CDK14: variants seen among roughly 807,000 people sequenced by gnomAD.
The protein encoded by CDK14 is cyclin-dependent kinase 14.
A neutral mutation model predicts 60.7 loss-of-function variants in CDK14; 34 were observed. That is an observed-to-expected ratio of 0.56 (90% CI 0.43 to 0.75). The LOEUF is 0.75. Ranked by LOEUF, CDK14 falls within the 30% of genes least tolerant of loss-of-function variation. The pLI, the probability that CDK14 is intolerant of heterozygous loss-of-function variation, is 0.00. For synonymous variants in CDK14, 197 were observed against 203.7 expected (o/e 0.97, Z 0.28); for missense variants, 482 against 564.1 (o/e 0.85, Z 1.47).
chr7:91,098,898 AT>A (rs1377688734), intron 12 of CDK14, among the ~76,000 whole-genome samples: 1 of 152,090 alleles, frequency 6.6e-6, no homozygotes, highest in East Asian at 1.9e-4. Flanking sequence ...AATCTGATAT[AT>A]TTTTAGGGCA....
At chr7:90,790,477 A>G (rs1805785608) in intron 4 of CDK14, 96 bp from the exon 5 acceptor site, 2 of 722,134 alleles carry the variant, frequency 2.8e-6, no homozygotes, top group African/African-American at 3.6e-5. Context: ...TTAGCATAAA[A>G]GTGAATTTAT....
intron 12 of CDK14, among the ~76,000 whole-genome samples, chr7:91,091,531 T>G (rs1798827574): frequency 2.0e-5 from 2 of 99,076 alleles, no homozygotes; most frequent in African/African-American, 1.1e-4. Context: ...TAGCCAGGCA[T>G]GGTGGCATAT....
At chr7:90,842,901 G>A (rs1294000184) in intron 5 of CDK14, among the ~76,000 whole-genome samples, 1 of 152,148 alleles carries the variant, frequency 6.6e-6, no homozygotes, top group Non-Finnish European at 1.5e-5. Context: ...TTCCTAAGTT[G>A]TTGTGTGGAT....
intron 2 of CDK14, among the ~76,000 whole-genome samples, chr7:90,610,148 A>G (rs571880974): frequency 6.6e-6 from 1 of 151,820 alleles, no homozygotes; most frequent in African/African-American, 2.4e-5. Context: ...TCCATAACCC[A>G]TTCTCCCCCA....
chr7:90,712,989 G>C (rs879889453), intron 2 of CDK14, among the ~76,000 whole-genome samples: 14 of 116,772 alleles, frequency 1.2e-4, no homozygotes, highest in Admixed American at 8.0e-4. Flanking sequence ...CCTGCTGCCC[G>C]CCATGGGCCT....
intron 14 of CDK14, among the ~76,000 whole-genome samples, chr7:91,185,155 A>G (rs1802131597): frequency 6.7e-6 from 1 of 148,758 alleles, no homozygotes. Flanking sequence ...TCAGTGGTGA[A>G]TAAGACACAC....
At chr7:91,122,070 A>T (rs1359414914) in intron 14 of CDK14, among the ~76,000 whole-genome samples, 3 of 152,234 alleles carry the variant, frequency 2.0e-5, no homozygotes, top group Non-Finnish European at 2.9e-5. Flanking sequence ...TTTCTGAAAT[A>T]GTATGTGCTC....
chr7:91,006,705 T>C (rs766928590), intron 10 of CDK14, among the ~76,000 whole-genome samples: 3 of 152,266 alleles, frequency 2.0e-5, no homozygotes, highest in African/African-American at 7.2e-5. Context: ...CTTTCACTTA[T>C]ATATTTTCTT....
rs1200493986 is a variant in CDK14 at position 90,779,410 on chromosome 7, G to C, written c.465-11163G>C. The stretch of plus-strand genomic sequence containing the variant: ...TGGGACTACAGGCACGTGCCACCAT[G>C]CTCAACTATTTTTTAAATTTTTGTA... On this transcript the variant is annotated intron_variant, in intron 4 of 14. Coordinates refer to ENST00000380050, the MANE Select transcript of CDK14 (RefSeq NM_001287135.2). 2.6e-5 allele frequency among the ~76,000 whole-genome samples: 4 copies of C among 152,204 alleles called. No individual in the cohort carries two copies. The South Asian group carries it at 8.3e-4, about 32-fold the overall frequency.
intron 12 of CDK14, among the ~76,000 whole-genome samples, chr7:91,091,194 G>C (rs1798795093): frequency 1.3e-5 from 2 of 150,414 alleles, no homozygotes; most frequent in African/African-American, 4.9e-5. Flanking sequence ...CCAGGAGTTT[G>C]GGATGAGACT....
chr7:91,163,626 T>C (rs760853114), intron 14 of CDK14, among the ~76,000 whole-genome samples: 1 of 152,188 alleles, frequency 6.6e-6, no homozygotes, highest in Non-Finnish European at 1.5e-5. Context: ...AAATTTGAAA[T>C]TTACTCTTAC....
At chr7:90,613,693 A>G (rs1296706178) in intron 2 of CDK14, among the ~76,000 whole-genome samples, 1 of 144,992 alleles carries the variant, frequency 6.9e-6, no homozygotes, top group Non-Finnish European at 1.5e-5. Context: ...TCTCAAAAAT[A>G]AAAAAAAAAT....
intron 8 of CDK14, among the ~76,000 whole-genome samples, chr7:90,921,170 C>A (rs1291744917): frequency 6.6e-6 from 1 of 152,064 alleles, no homozygotes; most frequent in African/African-American, 2.4e-5. Flanking sequence ...ATTTCAAATC[C>A]CTTTTATAGC....
intron 4 of CDK14, among the ~76,000 whole-genome samples, chr7:90,766,778 G>A (rs1258687459): frequency 1.3e-5 from 2 of 152,070 alleles, no homozygotes; most frequent in African/African-American, 4.8e-5. Context: ...CATAGGCAGG[G>A]GAATATGGTT....
intron 14 of CDK14, among the ~76,000 whole-genome samples, chr7:91,170,491 TTAAAA>T (rs1288825609): frequency 6.6e-6 from 1 of 152,184 alleles, no homozygotes; most frequent in African/African-American, 2.4e-5. Context: ...GTTACCATTA[TTAAAA>T]TAATATTTAG....
chr7:90,823,900 T>C (rs1224075160), intron 5 of CDK14, among the ~76,000 whole-genome samples: 3 of 152,192 alleles, frequency 2.0e-5, no homozygotes, highest in Non-Finnish European at 4.4e-5. Context: ...AGATGGCACA[T>C]AGTAGGCACT....
rs1802981084 is a variant in CDK14 at position 91,208,892 on chromosome 7, A to C, written c.*1756A>C. 6.6e-6 allele frequency: 1 copy of C among 152,644 alleles called. No homozygotes were observed. Among genetic ancestry groups the C allele is most frequent in the African/African-American group, 2.4e-5 (1 of 41,464 alleles). 9.5% of individuals were successfully genotyped at this position (152,644 alleles called of 1,614,324 possible). The stretch of plus-strand genomic sequence containing the variant: ...ATTGGTTTTAAAGAGAGCAGAAAAC[A>C]CCCAAGTGTAGAATGTCTACTGTTT... On this transcript the variant is annotated 3_prime_UTR_variant, in exon 15 of 15. Transcript: ENST00000380050.
At chr7:90,736,801 C>T (rs1803133314) in intron 3 of CDK14, among the ~76,000 whole-genome samples, 1 of 152,088 alleles carries the variant, frequency 6.6e-6, no homozygotes, top group Non-Finnish European at 1.5e-5. Flanking sequence ...TTTAAAATAT[C>T]ATGCCTTCCC....
chr7:90,886,875 A>G (rs564273970), intron 6 of CDK14, among the ~76,000 whole-genome samples: 1 of 152,316 alleles, frequency 6.6e-6, no homozygotes, highest in South Asian at 2.1e-4. Flanking sequence ...CAAGAGATTA[A>G]GTACATTTTC....
Sources: gnomAD v4.1 joint callset for allele counts (sites outside exome capture counted in the v4.1 genomes callset) on GRCh38, gnomAD v4.1.1 for gene constraint, MANE v1.5 for transcripts, NCBI Gene and HGNC (gene_info 2026-07-23, HGNC 2026-07-21) for gene names.